CSMD1: variants seen among roughly 807,000 people sequenced by gnomAD.
CSMD1 encodes the protein CUB and Sushi multiple domains 1.
Under a neutral mutation model 417.5 loss-of-function variants are expected in CSMD1, and 213 were observed. That is an observed-to-expected ratio of 0.51 (90% CI 0.46 to 0.57). The LOEUF is 0.57. Among genes scored for constraint, CSMD1 ranks in the 20% least tolerant of loss-of-function variants. The pLI is 0.00. For synonymous variants in CSMD1, 2,862 were observed against 1,736.8 expected (o/e 1.65, Z -16.11); for missense variants, 6,923 against 4,529.7 (o/e 1.53, Z -15.17).
chr8:4,138,046 T>A (rs1161612807), intron 3 of CSMD1, among the ~76,000 whole-genome samples: 1 of 468 alleles, frequency 2.1e-3, no homozygotes, highest in South Asian at 0.17. Flanking sequence ...CCCGGCTAAT[T>A]TTTTTTTTTT....
chr8:4,602,340 A>C (rs1800634666), intron 2 of CSMD1, among the ~76,000 whole-genome samples: 1 of 152,196 alleles, frequency 6.6e-6, no homozygotes, highest in Admixed American at 6.5e-5. Flanking sequence ...CAAATAGCAG[A>C]TAAGGAAGCT....
chr8:3,796,466 A>G lies in CSMD1; in HGVS notation c.819-42424T>C, dbSNP rs1334154836. Reference sequence around the variant, plus strand: ...TCGTGTATAGATATAGATATCTATCATGTATATAGATATCTATCTATCATG... The same window carrying G: ...TCGTGTATAGATATAGATATCTATCGTGTATATAGATATCTATCTATCATG... On this transcript the variant is annotated intron_variant, in intron 5 of 69. Coordinates refer to ENST00000635120, the MANE Select transcript of CSMD1 (RefSeq NM_033225.6). Among the ~76,000 whole-genome samples, 3 of 139,152 alleles carry G rather than the reference A, an allele frequency of 2.2e-5. No homozygotes were observed. The Admixed American group carries it at 2.2e-4, about 10-fold the overall frequency. The allele number at this position is 139,152 out of a possible 152,430, so 91.3% of individuals were successfully genotyped here. A position where few individuals can be genotyped will look rare whatever the true frequency, so the allele number is the denominator to read the frequency against.
chr8:4,621,536 G>A (rs1272015446), intron 2 of CSMD1, among the ~76,000 whole-genome samples: 1 of 152,044 alleles, frequency 6.6e-6, no homozygotes, highest in Non-Finnish European at 1.5e-5. Flanking sequence ...CCTAAATCTA[G>A]AATATACATT....
intron 10 of CSMD1, among the ~76,000 whole-genome samples, chr8:3,564,896 G>A (rs1799632934): frequency 6.6e-6 from 1 of 151,654 alleles, no homozygotes; most frequent in South Asian, 2.1e-4. Context: ...GAAATAGCTG[G>A]CACACAGAGA....
intron 1 of CSMD1, among the ~76,000 whole-genome samples, chr8:4,791,408 ATGTGT>A (rs1797680587): frequency 6.6e-6 from 1 of 152,112 alleles, no homozygotes; most frequent in African/African-American, 2.4e-5. Flanking sequence ...CTGAAAGTTT[ATGTGT>A]TGTGGGTGGG....
chr8:4,041,004 C>CTTTCTTTTTT (rs1250415506), intron 3 of CSMD1, among the ~76,000 whole-genome samples: 1 of 129,808 alleles, frequency 7.7e-6, no homozygotes, highest in Admixed American at 8.7e-5. Flanking sequence ...TCTTTTCTTT[C>CTTTCTTTTTT]TTTTTTTTTT....
rs551277795 is a variant in CSMD1 at position 4,077,706 on chromosome 8, G to C, written c.416-45607C>G. On this transcript the variant is annotated intron_variant, in intron 3 of 69. Coordinates refer to ENST00000635120, the MANE Select transcript of CSMD1 (RefSeq NM_033225.6). ...TTTCCTAAGACAGAGTTTAATTCTTGTTTCTTACCATTCTCAAATTTGCTC... is the reference window on the plus strand; with the variant it reads ...TTTCCTAAGACAGAGTTTAATTCTTCTTTCTTACCATTCTCAAATTTGCTC... 1.3e-4 allele frequency among the ~76,000 whole-genome samples: 20 copies of C among 152,188 alleles called. No individual in the cohort carries two copies. In the South Asian group the frequency reaches 2.3e-3, roughly 17 times the overall value.
rs540754189 is a variant in CSMD1, at chr8:4,509,171, C to T, written c.303-89106G>A. Among the ~76,000 whole-genome samples, 6 of 152,186 alleles carry T rather than the reference C, an allele frequency of 3.9e-5. No homozygotes were observed. The East Asian group carries it at 9.7e-4, about 25-fold the overall frequency. ...TTTAGGGAGAATTGAAGTATTAATT[C>T]TTTCTTTTTAACAAAATCATCCAAA... On this transcript the variant is annotated intron_variant, in intron 2 of 69. Transcript: ENST00000635120.
chr8:4,007,856 A>T (rs1439289450), intron 4 of CSMD1, among the ~76,000 whole-genome samples: 3 of 152,156 alleles, frequency 2.0e-5, no homozygotes, highest in Non-Finnish European at 4.4e-5. Flanking sequence ...GAAGAAGAAA[A>T]GTTTATTTAG....
At chr8:4,465,698 G>C (rs1585123096) in intron 2 of CSMD1, among the ~76,000 whole-genome samples, 1 of 152,172 alleles carries the variant, frequency 6.6e-6, no homozygotes, top group Non-Finnish European at 1.5e-5. Flanking sequence ...ACCATTAAAG[G>C]AAGAAGAATG....
chr8:4,573,028 T>C (rs969312636), intron 2 of CSMD1, among the ~76,000 whole-genome samples: 2 of 152,198 alleles, frequency 1.3e-5, no homozygotes, highest in African/African-American at 4.8e-5. Context: ...TAATCTTTTA[T>C]CAAGGTTCTT....
chr8:3,670,725 T>C (rs1045910569), intron 7 of CSMD1, among the ~76,000 whole-genome samples: 4 of 149,418 alleles, frequency 2.7e-5, no homozygotes, highest in Admixed American at 6.7e-5. Flanking sequence ...ATATGGGATA[T>C]ACATGTATGG....
intron 3 of CSMD1, among the ~76,000 whole-genome samples, chr8:4,222,796 T>C (rs1006235655): frequency 1.3e-5 from 2 of 152,086 alleles, no homozygotes; most frequent in African/African-American, 4.8e-5. Flanking sequence ...TAAGGGCTGG[T>C]TGAGCTGACC....
intron 3 of CSMD1, among the ~76,000 whole-genome samples, chr8:4,358,979 C>CAT (rs1801596727): frequency 6.6e-6 from 1 of 152,046 alleles, no homozygotes; most frequent in Non-Finnish European, 1.5e-5. Flanking sequence ...CACACACACA[C>CAT]ACACATTTAA....
intron 1 of CSMD1, among the ~76,000 whole-genome samples, chr8:4,691,883 G>T (rs1000714562): frequency 2.6e-5 from 4 of 152,200 alleles, no homozygotes; most frequent in African/African-American, 9.6e-5. Context: ...CTGTGATTTG[G>T]CAGGTGCCAT....
chr8:4,412,846 AG>A (rs1208620540), intron 3 of CSMD1, among the ~76,000 whole-genome samples: 6 of 152,316 alleles, frequency 3.9e-5, no homozygotes, highest in Admixed American at 2.6e-4. Context: ...TTGTAATGGA[AG>A]AATGCCTGCT....
intron 2 of CSMD1, among the ~76,000 whole-genome samples, chr8:4,622,401 C>A (rs1054693895): frequency 2.6e-5 from 4 of 152,022 alleles, no homozygotes; most frequent in African/African-American, 4.8e-5. Context: ...GACCTTCTGG[C>A]GAGCTACCCG....
At chr8:4,001,139 C>A (rs548108768) in intron 4 of CSMD1, among the ~76,000 whole-genome samples, 5 of 151,852 alleles carry the variant, frequency 3.3e-5, no homozygotes, top group African/African-American at 1.2e-4. Context: ...ATTTAAAAAG[C>A]TTTGAAATAG....
chr8:3,983,308 T>A (rs1000188367), intron 5 of CSMD1, among the ~76,000 whole-genome samples: 1 of 151,868 alleles, frequency 6.6e-6, no homozygotes, highest in Non-Finnish European at 1.5e-5. Flanking sequence ...TTTTTTGTAT[T>A]TTTAGTAGAG....
Sources: gnomAD v4.1 joint callset for allele counts (sites outside exome capture counted in the v4.1 genomes callset) on GRCh38, gnomAD v4.1.1 for gene constraint, MANE v1.5 for transcripts, NCBI Gene and HGNC (gene_info 2026-07-23, HGNC 2026-07-21) for gene names.